The following SPRR2G variants were observed in gnomAD, a reference collection of about 807,000 sequenced individuals.
The protein encoded by SPRR2G is small proline rich protein 2G.
Under a neutral mutation model 0.7 loss-of-function variants are expected in SPRR2G, and 1 was observed. That is an observed-to-expected ratio of 1.49 (90% CI 0.53 to 7.06). The LOEUF (loss-of-function observed/expected upper bound fraction) is 7.06, where lower values mean the gene tolerates loss of function less well. Ranked by LOEUF, SPRR2G falls within the 30% of genes most tolerant of loss-of-function variation. SPRR2G has a pLI of 0.14. For missense variants in SPRR2G, 96 were observed against 88.5 expected (o/e 1.09, Z -0.34); for synonymous variants, 38 against 33.9 (o/e 1.12, Z -0.42).
the SPRR2G span, among the ~76,000 whole-genome samples, chr1:153,170,517 C>G: frequency 2.6e-5 from 4 of 151,850 alleles, no homozygotes; most frequent in African/African-American, 9.7e-5. Flanking sequence ...TTATGAGTTG[C>G]AAAGAGCAGG....
chr1:153,170,478 C>A, the SPRR2G span, among the ~76,000 whole-genome samples: 1 of 151,906 alleles, frequency 6.6e-6, no homozygotes, highest in Non-Finnish European at 1.5e-5. Context: ...CAGCGTATGG[C>A]AATGAAAAAT....
chr1:153,154,929 T>G (rs1281392104), upstream of SPRR2G, among the ~76,000 whole-genome samples: 1 of 152,164 alleles, frequency 6.6e-6, no homozygotes. Context: ...CTTCCTAGAC[T>G]TCTCTGCTAC....
chr1:153,174,470 C>T, the SPRR2G span: 29,094 of 152,208 alleles, frequency 0.19, 3,010 homozygotes, highest in Middle Eastern at 0.39. Context: ...TCCACCATTG[C>T]TACATCATGC....
the SPRR2G span, among the ~76,000 whole-genome samples, chr1:153,193,499 C>A: frequency 1.3e-5 from 2 of 152,310 alleles, no homozygotes; most frequent in East Asian, 3.9e-4. Flanking sequence ...TGCATATGCA[C>A]ACACAGGGTC....
At chr1:153,177,595 A>G in the SPRR2G span, among the ~76,000 whole-genome samples, 1 of 152,156 alleles carries the variant, frequency 6.6e-6, no homozygotes, top group African/African-American at 2.4e-5. Flanking sequence ...CCTGACTGAT[A>G]ATATGGTTAA....
Position 153,149,669 on chromosome 1 carries a change from C to T in SPRR2G, c.*220G>A. 1.6e-6 allele frequency: 1 copy of T among 628,424 alleles called. No individual in the cohort carries two copies. Among genetic ancestry groups the T allele is most frequent in the Non-Finnish European group, 2.8e-6 (1 of 361,138 alleles). 38.9% of individuals were successfully genotyped at this position (628,424 alleles called of 1,614,324 possible). ...TCAGGATAGGAACCACCATCTACAT[C>T]ACAGACAGCAAAGCGAGATTAGGCA... On this transcript the variant is annotated 3_prime_UTR_variant, in exon 2 of 2. Coordinates refer to ENST00000368748, the MANE Select transcript of SPRR2G (RefSeq NM_001014291.4).
the SPRR2G span, among the ~76,000 whole-genome samples, chr1:153,201,521 G>T: frequency 6.6e-6 from 1 of 152,192 alleles, no homozygotes; most frequent in Non-Finnish European, 1.5e-5. Flanking sequence ...CTCCTGAGAT[G>T]GGGGTGAGAG....
the SPRR2G span, among the ~76,000 whole-genome samples, chr1:153,180,854 C>A: frequency 6.6e-6 from 1 of 152,156 alleles, no homozygotes; most frequent in South Asian, 2.1e-4. Context: ...ATTTGCATTT[C>A]TCTTATGAAT....
chr1:153,155,666 G>A (rs754376771), upstream of SPRR2G, among the ~76,000 whole-genome samples: 10 of 152,110 alleles, frequency 6.6e-5, no homozygotes, highest in Middle Eastern at 3.4e-3. Flanking sequence ...CCCTTCCTTC[G>A]CCTCTAGCCT....
the SPRR2G span, among the ~76,000 whole-genome samples, chr1:153,162,947 A>G: frequency 6.6e-6 from 1 of 152,218 alleles, no homozygotes; most frequent in Non-Finnish European, 1.5e-5. Context: ...AATAAACATC[A>G]GTTCTAATGC....
chr1:153,162,166 T>C, the SPRR2G span, among the ~76,000 whole-genome samples: 1 of 152,232 alleles, frequency 6.6e-6, no homozygotes, highest in Non-Finnish European at 1.5e-5. Context: ...CCCCACCTCC[T>C]CCCTCGGATA....
At chr1:153,197,132 A>ATGTGTGTGTGTGTG in the SPRR2G span, among the ~76,000 whole-genome samples, 95 of 140,504 alleles carry the variant, frequency 6.8e-4, no homozygotes, top group East Asian at 2.6e-3. Context: ...CAGGCAGAGA[A>ATGTGTGTGTGTGTG]TGTGTGTGTG....
chr1:153,188,703 C>G, the SPRR2G span, among the ~76,000 whole-genome samples: 2 of 152,158 alleles, frequency 1.3e-5, no homozygotes, highest in South Asian at 4.2e-4. Context: ...CACTGGGGCA[C>G]CAGGCACCAC....
chr1:153,192,918 T>C, the SPRR2G span, among the ~76,000 whole-genome samples: 1 of 152,110 alleles, frequency 6.6e-6, no homozygotes, highest in Non-Finnish European at 1.5e-5. Context: ...TGGGAACTGG[T>C]GGTATCAAAA....
chr1:153,180,597 G>T, the SPRR2G span, among the ~76,000 whole-genome samples: 2 of 152,242 alleles, frequency 1.3e-5, no homozygotes, highest in Admixed American at 1.3e-4. Flanking sequence ...GTCCTTTTGT[G>T]ACTATATGTA....
the SPRR2G span, among the ~76,000 whole-genome samples, chr1:153,163,448 G>A: frequency 1.3e-5 from 2 of 152,160 alleles, no homozygotes; most frequent in Admixed American, 1.3e-4. Flanking sequence ...TGGAATTATG[G>A]GTGATAGAGA....
chr1:153,201,003 G>A, the SPRR2G span, among the ~76,000 whole-genome samples: 1 of 152,190 alleles, frequency 6.6e-6, no homozygotes, highest in East Asian at 1.9e-4. Context: ...ACCGCGCCTA[G>A]CAAAAGCAGG....
the SPRR2G span, among the ~76,000 whole-genome samples, chr1:153,178,052 A>C: frequency 6.6e-6 from 1 of 152,082 alleles, no homozygotes; most frequent in Admixed American, 6.6e-5. Context: ...AGACTTACAA[A>C]TTTTTGTTAA....
the SPRR2G span, among the ~76,000 whole-genome samples, chr1:153,182,435 A>G: frequency 5.9e-5 from 9 of 151,944 alleles, no homozygotes; most frequent in Non-Finnish European, 5.9e-5. Context: ...GGTTTGTTAC[A>G]TAGGTATACA....
Sources: gnomAD v4.1 joint callset for allele counts (sites outside exome capture counted in the v4.1 genomes callset) on GRCh38, gnomAD v4.1.1 for gene constraint, MANE v1.5 for transcripts, NCBI Gene and HGNC (gene_info 2026-07-23, HGNC 2026-07-21) for gene names.